The following NRG3 variants were observed in gnomAD, a reference collection of about 807,000 sequenced individuals.
NRG3 encodes pro-neuregulin-3, membrane-bound isoform.
A neutral mutation model predicts 66.9 loss-of-function variants in NRG3; 31 were observed. The observed-to-expected ratio is 0.46, with a 90% CI of 0.35 to 0.63. The LOEUF is 0.63. Among genes scored for constraint, NRG3 ranks in the 20% least tolerant of loss-of-function variants. The pLI, the probability that NRG3 is intolerant of heterozygous loss-of-function variation, is 0.00. For missense variants in NRG3, 910 were observed against 878.9 expected, an observed-to-expected ratio of 1.04 and a Z score of -0.45; for synonymous variants, 393 against 359.4, an observed-to-expected ratio of 1.09 and a Z score of -1.06.
intron 1 of NRG3, among the ~76,000 whole-genome samples, chr10:82,340,567 T>C (rs970107611): frequency 1.3e-5 from 2 of 152,228 alleles, no homozygotes; most frequent in African/African-American, 2.4e-5. Flanking sequence ...GTGAGTGATA[T>C]TCATTTTCAT....
In NRG3 at chr10:82,804,402, G is replaced by T. The variant is rs1591575434; in HGVS notation, c.1028-61009G>T. 5.9e-5 allele frequency among the ~76,000 whole-genome samples: 9 copies of T among 152,274 alleles called. No homozygotes were observed. In the South Asian group the frequency reaches 1.9e-3, roughly 32 times the overall value. ...TAAGGGCTTAATTAAGATGGAAAAGGCATTGCATTTGTGGGTGGAAGACAT... is the reference window on the plus strand; with the variant it reads ...TAAGGGCTTAATTAAGATGGAAAAGTCATTGCATTTGTGGGTGGAAGACAT... On this transcript the variant is annotated intron_variant, in intron 3 of 8. Coordinates refer to ENST00000372141, the MANE Select transcript of NRG3 (RefSeq NM_001010848.4).
At chr10:82,077,060 A>G (rs955028648) in intron 1 of NRG3, among the ~76,000 whole-genome samples, 3 of 152,192 alleles carry the variant, frequency 2.0e-5, no homozygotes, top group Admixed American at 6.5e-5. Flanking sequence ...AATTTTGGCA[A>G]AATGATAGCA....
At chr10:82,545,939 C>T (rs1254176807) in intron 2 of NRG3, among the ~76,000 whole-genome samples, 1 of 151,302 alleles carries the variant, frequency 6.6e-6, no homozygotes, top group Non-Finnish European at 1.5e-5. Context: ...AGGCGCCGGC[C>T]ACCATGCCCG....
chr10:82,540,646 C>T (rs1428145191), intron 2 of NRG3, among the ~76,000 whole-genome samples: 1 of 151,894 alleles, frequency 6.6e-6, no homozygotes, highest in Non-Finnish European at 1.5e-5. Context: ...AGTCAGTTGC[C>T]AGCAAGATGA....
At chr10:82,469,227 T>G (rs1337255038) in intron 2 of NRG3, among the ~76,000 whole-genome samples, 1 of 152,220 alleles carries the variant, frequency 6.6e-6, no homozygotes, top group Admixed American at 6.5e-5. Context: ...TCCTTCCGCT[T>G]TCCTTCAATT....
chr10:82,802,905 G>T (rs1029420948), intron 3 of NRG3, among the ~76,000 whole-genome samples: 1 of 152,180 alleles, frequency 6.6e-6, no homozygotes, highest in Middle Eastern at 3.4e-3. Flanking sequence ...AAAATCCTGG[G>T]CTCAAATGAT....
intron 2 of NRG3, among the ~76,000 whole-genome samples, chr10:82,550,883 C>G (rs1385843010): frequency 6.6e-6 from 1 of 152,078 alleles, no homozygotes; most frequent in Non-Finnish European, 1.5e-5. Flanking sequence ...TGCAGAAATA[C>G]AGAAGAAATG....
chr10:82,379,992 A>G (rs2085506642), intron 2 of NRG3, among the ~76,000 whole-genome samples: 1 of 151,906 alleles, frequency 6.6e-6, no homozygotes, highest in South Asian at 2.1e-4. Context: ...ATGCAATTTT[A>G]TAATATTCAA....
At chr10:82,129,059 C>G (rs1274018879) in intron 1 of NRG3, among the ~76,000 whole-genome samples, 4 of 151,846 alleles carry the variant, frequency 2.6e-5, no homozygotes, top group Non-Finnish European at 5.9e-5. Context: ...ATTACAGATG[C>G]CTGCCACCAT....
At chr10:82,457,924 G>T (rs997508774) in intron 2 of NRG3, among the ~76,000 whole-genome samples, 2 of 152,198 alleles carry the variant, frequency 1.3e-5, no homozygotes, top group African/African-American at 4.8e-5. Flanking sequence ...CCACTGTGGG[G>T]TTACCATTTT....
chr10:82,016,683 GA>G (rs1449924026), intron 1 of NRG3, among the ~76,000 whole-genome samples: 1 of 152,054 alleles, frequency 6.6e-6, no homozygotes. Flanking sequence ...TGTTTTAAGT[GA>G]AAAGTAATGA....
chr10:81,945,069 T>A (rs922774329), intron 1 of NRG3, among the ~76,000 whole-genome samples: 1 of 152,136 alleles, frequency 6.6e-6, no homozygotes, highest in Non-Finnish European at 1.5e-5. Context: ...CAGAGAGGCC[T>A]TTTGTGGCTC....
intron 1 of NRG3, among the ~76,000 whole-genome samples, chr10:82,008,710 T>G (rs1249807994): frequency 6.6e-6 from 1 of 152,172 alleles, no homozygotes; most frequent in East Asian, 1.9e-4. Context: ...CTATTTTTCC[T>G]TGGTACCCAT....
intron 3 of NRG3, among the ~76,000 whole-genome samples, chr10:82,783,813 T>C (rs1399063261): frequency 1.3e-5 from 2 of 152,086 alleles, no homozygotes; most frequent in Admixed American, 6.6e-5. Flanking sequence ...ATGCCATCCC[T>C]ATCAAGCTAC....
At chr10:82,153,215 C>T (rs2070913835) in intron 1 of NRG3, among the ~76,000 whole-genome samples, 1 of 152,020 alleles carries the variant, frequency 6.6e-6, no homozygotes, top group Non-Finnish European at 1.5e-5. Context: ...CCCATTCTCC[C>T]TATCAACCTC....
intron 5 of NRG3, among the ~76,000 whole-genome samples, chr10:82,957,910 G>GTGTGTA (rs1406539724): frequency 6.6e-6 from 1 of 151,980 alleles, no homozygotes; most frequent in Non-Finnish European, 1.5e-5. Context: ...GTGTGTGTGT[G>GTGTGTA]TGTGTGTGTG....
intron 2 of NRG3, among the ~76,000 whole-genome samples, chr10:82,712,461 C>A (rs2056731045): frequency 6.6e-6 from 1 of 152,134 alleles, no homozygotes; most frequent in African/African-American, 2.4e-5. Context: ...ATCAGAAACA[C>A]GTGGAGGGCT....
At chr10:82,541,630 G>A (rs538812044) in intron 2 of NRG3, among the ~76,000 whole-genome samples, 5 of 152,226 alleles carry the variant, frequency 3.3e-5, no homozygotes, top group East Asian at 3.9e-4. Flanking sequence ...TTAGGTCAGG[G>A]GTCCATCTTT....
intron 2 of NRG3, among the ~76,000 whole-genome samples, chr10:82,463,997 G>C (rs1021483079): frequency 6.6e-6 from 1 of 152,114 alleles, no homozygotes; most frequent in Non-Finnish European, 1.5e-5. Flanking sequence ...TATGCCTGTT[G>C]TGTGATTTAG....
Sources: gnomAD v4.1 joint callset for allele counts (sites outside exome capture counted in the v4.1 genomes callset) on GRCh38, gnomAD v4.1.1 for gene constraint, MANE v1.5 for transcripts, NCBI Gene and HGNC (gene_info 2026-07-23, HGNC 2026-07-21) for gene names.